Variants in SPATA1 observed in about 807,000 individuals in gnomAD.
SPATA1 encodes the protein spermatogenesis-associated protein 1.
A neutral mutation model predicts 59.6 loss-of-function variants in SPATA1; 57 were observed. The ratio of observed to expected loss-of-function variants is 0.96; its 90% CI spans 0.77 to 1.19. The LOEUF is 1.19. SPATA1 is among the 50% of genes most tolerant of loss of function. The pLI, the probability that SPATA1 is intolerant of heterozygous loss-of-function variation, is 0.00. For synonymous variants in SPATA1, 147 were observed against 163.9 expected (o/e 0.90, Z 0.79); for missense variants, 448 against 480.7 (o/e 0.93, Z 0.64).
At chr1:84,558,721 A>G (rs1473324297), downstream of SPATA1, among the ~76,000 whole-genome samples, 5 of 151,878 alleles carry the variant, frequency 3.3e-5, no homozygotes, top group African/African-American at 9.7e-5. Context: ...GGCAATATAG[A>G]AAGACCCCGT....
chr1:84,563,934 C>A, intron 4 of SPATA1: 1 of 1,320,290 alleles, frequency 7.6e-7, no homozygotes, highest in South Asian at 2.3e-5. Context: ...AAAACAAGTA[C>A]ATTTATAAAA....
chr1:84,522,394 TCTC>T (rs1433693972), exon 4 of SPATA1: 2 of 1,450,088 alleles, frequency 1.4e-6, no homozygotes, highest in Non-Finnish European at 1.8e-6. Context: ...TTTCAGAGTA[TCTC>T]CTCAACTTAC....
At chr1:84,533,391 G>C (rs919019151) in intron 7 of SPATA1, among the ~76,000 whole-genome samples, 4 of 151,506 alleles carry the variant, frequency 2.6e-5, no homozygotes, top group Admixed American at 6.6e-5. Flanking sequence ...TGAAATTAAG[G>C]GTTCTTATAA....
At chr1:84,509,661 GA>G (rs1682449573) in intron 1 of SPATA1, among the ~76,000 whole-genome samples, 1 of 152,216 alleles carries the variant, frequency 6.6e-6, no homozygotes, top group Admixed American at 6.5e-5. Context: ...AGCTACTTGG[GA>G]AGCTGAGGCA....
At chr1:84,510,730 C>T (rs1274764512) in intron 1 of SPATA1, among the ~76,000 whole-genome samples, 1 of 152,164 alleles carries the variant, frequency 6.6e-6, no homozygotes, top group Non-Finnish European at 1.5e-5. Flanking sequence ...CAGCACTATT[C>T]ACAATAGCCA....
exon 4 of SPATA1, chr1:84,522,432 T>A (rs1290976404): frequency 6.5e-7 from 1 of 1,530,782 alleles, no homozygotes; most frequent in Non-Finnish European, 8.8e-7. Context: ...GGGAGCGTCT[T>A]GGTGAGTTCC....
chr1:84,550,631 G>A (rs1179419737), intron 12 of SPATA1, 101 bp downstream of exon 12: 13 of 1,297,640 alleles, frequency 1.0e-5, no homozygotes, highest in Non-Finnish European at 1.3e-5. Context: ...GGGTAGCCAG[G>A]ATTGACTGTA....
chr1:84,520,950 C>T (rs2101936874), intron 3 of SPATA1, among the ~76,000 whole-genome samples: 1 of 152,008 alleles, frequency 6.6e-6, no homozygotes, highest in African/African-American at 2.4e-5. Flanking sequence ...TGGTTATACA[C>T]AAAGTGAATT....
chr1:84,510,506 TA>T (rs1682490479), intron 1 of SPATA1, among the ~76,000 whole-genome samples: 2 of 152,070 alleles, frequency 1.3e-5, no homozygotes, highest in African/African-American at 4.8e-5. Flanking sequence ...AGATAGACAA[TA>T]ACAAATGCTG....
rs754461413 is a variant in SPATA1, at chr1:84,563,349, C to T, written n.443-2512C>T. On this transcript the variant is annotated intron_variant and non_coding_transcript_variant, in intron 4 of 4. Transcript: ENST00000460286. ...TGCTTCATGATCGTTTTGTAGGGCA[C>T]CTGACGTCCTGCAGCGTCACTACAA... is the stretch of plus-strand genomic sequence containing the variant. The T allele has an allele frequency of 2.0e-5, 32 of 1,598,122 alleles. 1 individual carries two copies. In the South Asian group the frequency reaches 3.4e-4, roughly 17 times the overall value.
At chr1:84,536,081 A>G (rs1683665819) in intron 8 of SPATA1, among the ~76,000 whole-genome samples, 1 of 152,244 alleles carries the variant, frequency 6.6e-6, no homozygotes, top group African/African-American at 2.4e-5. Context: ...AAAAACTTTT[A>G]CAAATGAGAA....
chr1:84,563,874 T>C, intron 4 of SPATA1: 2 of 1,580,716 alleles, frequency 1.3e-6, no homozygotes, highest in Non-Finnish European at 8.6e-7. Context: ...TTTCTCTTCA[T>C]ATGTCAATGT....
downstream of SPATA1, among the ~76,000 whole-genome samples, chr1:84,556,260 G>T (rs528770522): frequency 6.6e-6 from 1 of 152,194 alleles, no homozygotes; most frequent in South Asian, 2.1e-4. Flanking sequence ...AAAGTGCAAA[G>T]GAAGGTGAAA....
chr1:84,511,659 T>A (rs1298591296), intron 1 of SPATA1, among the ~76,000 whole-genome samples: 1 of 146,058 alleles, frequency 6.8e-6, no homozygotes, highest in Non-Finnish European at 1.5e-5. Flanking sequence ...TTCAGGCTTT[T>A]TTTTTTTTTT....
chr1:84,511,588 C>A (rs11163990), intron 1 of SPATA1, among the ~76,000 whole-genome samples: 57,651 of 150,272 alleles, frequency 0.38, 12,561 homozygotes, highest in African/African-American at 0.59. Context: ...CTCATTCCTC[C>A]ATTGGTTCTA....
chr1:84,530,749 C>A (rs979789947), intron 6 of SPATA1, among the ~76,000 whole-genome samples: 1 of 152,202 alleles, frequency 6.6e-6, no homozygotes, highest in Non-Finnish European at 1.5e-5. Context: ...CATGTTATGG[C>A]CATGCCAGGA....
chr1:84,548,723 C>G, intron 10 of SPATA1, 63 bp from the exon 11 acceptor site: 1 of 1,355,136 alleles, frequency 7.4e-7, no homozygotes, highest in Non-Finnish European at 9.5e-7. Context: ...AAAGTTGAAT[C>G]CTTTAATACT....
At chr1:84,554,795 G>A (rs1353126466), downstream of SPATA1, 10 of 490,294 alleles carry the variant, frequency 2.0e-5, no homozygotes, top group Non-Finnish European at 3.2e-5. Context: ...TAATAGGTAA[G>A]TTGACTTGCT....
rs56250726 is a variant in SPATA1, at chr1:84,548,750, C to CTTT, written c.947-7_947-5dup. On this transcript the variant is annotated intron_variant, in intron 10 of 12. Coordinates refer to ENST00000490879, the Ensembl canonical transcript of SPATA1. ...TTTAATACTCAAACGAAGGCCTTTC[C>CTTT]TTTTTTTTTTTTTTTTTTTTTTTTT... 2.8e-4 allele frequency: 255 copies of CTTT among 915,150 alleles called. 6 individuals carry two copies. The highest frequency in any genetic ancestry group is 2.3e-3 in the East Asian group (27 of 11,776). The allele number at this position is 915,150 out of a possible 1,614,324, so 56.7% of individuals were successfully genotyped here.
Sources: gnomAD v4.1 joint callset for allele counts (sites outside exome capture counted in the v4.1 genomes callset) on GRCh38, gnomAD v4.1.1 for gene constraint, MANE v1.5 for transcripts, NCBI Gene and HGNC (gene_info 2026-07-23, HGNC 2026-07-21) for gene names.